DHX30: variants seen among roughly 807,000 people sequenced by gnomAD.
DHX30 encodes DExH-box helicase 30, also known as ATP-dependent RNA helicase DHX30.
A neutral mutation model predicts 116.9 loss-of-function variants in DHX30; 4 were observed. That is an observed-to-expected ratio of 0.03 (90% confidence interval 0.02 to 0.08). The LOEUF is 0.08. DHX30 is among the 10% of genes least tolerant of loss of function. The pLI is 1.00. For synonymous variants in DHX30, 697 were observed against 651.7 expected (o/e 1.07, Z -1.06); for missense variants, 871 against 1,595.1 (o/e 0.55, Z 7.73).
intron 6 of DHX30, among the ~76,000 whole-genome samples, chr3:47,836,374 C>T (rs936852078): frequency 1.1e-4 from 17 of 151,848 alleles, no homozygotes; most frequent in African/African-American, 3.1e-4. Context: ...TTAGGTGATC[C>T]GCCTGCCTCT....
intron 4 of DHX30, chr3:47,825,922 A>G (rs2036533990): frequency 6.6e-6 from 1 of 151,766 alleles, no homozygotes; most frequent in South Asian, 2.1e-4. Flanking sequence ...TTTACAAGTT[A>G]CCGCTTAGAG....
At chr3:47,843,288 G>A (rs779877608) in intron 9 of DHX30, 33 bp downstream of exon 9, 2 of 1,611,254 alleles carry the variant, frequency 1.2e-6, no homozygotes, top group South Asian at 1.1e-5. Flanking sequence ...TGTGGTGCAT[G>A]AGAATGTCTT....
intron 7 of DHX30, 39 bp downstream of exon 7, chr3:47,841,217 T>C: frequency 6.2e-7 from 1 of 1,604,240 alleles, no homozygotes; most frequent in African/African-American, 1.3e-5. Flanking sequence ...AGGCTGGCTG[T>C]GCCTTGACAC....
intron 3 of DHX30, among the ~76,000 whole-genome samples, chr3:47,813,719 G>C (rs1006657159): frequency 6.6e-6 from 1 of 152,070 alleles, no homozygotes; most frequent in Admixed American, 6.6e-5. Flanking sequence ...GTTCCTCGAG[G>C]CCTGGGAAAC....
rs2037625948 is a variant in DHX30 at position 47,846,783 on chromosome 3, C to G, written c.1711C>G (p.Leu571Val). The change falls in exon 11 of 22, where the codon CTG becomes GTG. Residue 571 changes from leucine (L) to valine (V), a missense_variant. Around this residue, in one of 13 missense-constraint regions of DHX30, gnomAD observed 63 missense variants for 180.6 expected, o/e 0.35. Transcript: ENST00000445061. Reference protein sequence around the residue: ...VHERDVNTDFLLILLKGLQRL... With the variant: ...VHERDVNTDFVLILLKGLQRL... ...TGAGCGGGACGTGAACACAGACTTT[C>G]TGCTGATCCTGCTCAAGGGCCTGCA... 6.2e-7 allele frequency: 1 copy of G among 1,613,816 alleles called. No homozygotes were observed. Among genetic ancestry groups the G allele is most frequent in the Non-Finnish European group, 8.5e-7 (1 of 1,179,972 alleles).
At chr3:47,806,400 C>T (rs893970410) in intron 2 of DHX30, among the ~76,000 whole-genome samples, 2 of 151,292 alleles carry the variant, frequency 1.3e-5, no homozygotes, top group African/African-American at 4.9e-5. Context: ...CCTCTGCCTC[C>T]GAAAGTGCTG....
Position 47,849,072 on chromosome 3 carries a change from C to T in DHX30, c.2922C>T (p.Phe974=). 2 of 1,609,532 alleles carry T rather than the reference C, an allele frequency of 1.2e-6. No individual in the cohort carries two copies. The highest frequency in any genetic ancestry group is 1.7e-6 in the Non-Finnish European group (2 of 1,176,880). The change falls in exon 18 of 22, where the codon TTC becomes TTT. Residue 974 remains phenylalanine, a synonymous_variant. Coordinates refer to ENST00000445061, the MANE Select transcript of DHX30 (RefSeq NM_138615.3). ...ENLLYAPSLR[F]IHGLIKQFSE... ...TGCTGTACGCACCCAGCCTGCGCTT[C>T]ATCCACGGTCAGTCGGGCCCACACC... is the stretch of plus-strand genomic sequence containing the variant.
At chr3:47,849,428 C>CG (rs757019606) in intron 19 of DHX30, 23 bp from the exon 20 acceptor site, 1 of 1,571,256 alleles carries the variant, frequency 6.4e-7, no homozygotes, top group Non-Finnish European at 8.7e-7. Flanking sequence ...CAGCCCCACC[C>CG]GTCTTTTCCT....
At chr3:47,817,955 C>T in intron 3 of DHX30, 67 bp from the exon 4 acceptor site, 2 of 780,542 alleles carry the variant, frequency 2.6e-6, no homozygotes, top group Non-Finnish European at 4.8e-6. Flanking sequence ...CTGAGTGAGT[C>T]AGTTCAGGGG....
At chr3:47,816,147 C>A in intron 3 of DHX30, 3 of 979,878 alleles carry the variant, frequency 3.1e-6, no homozygotes, top group Middle Eastern at 1.1e-3. Flanking sequence ...TCTGTAAAAT[C>A]ACATACCTAT....
chr3:47,839,629 T>C (rs1007864696), intron 6 of DHX30, among the ~76,000 whole-genome samples: 1 of 152,272 alleles, frequency 6.6e-6, no homozygotes. Flanking sequence ...TAACTTCTTA[T>C]AACAGAAGTT....
At position 47,847,659 on chromosome 3, in the gene DHX30, G is replaced by A. The variant is rs2037677593; in HGVS notation, c.2111-122G>A. ...GACCAAGCTGTGGCACTTTTCACTG[G>A]GCATAGTGTTTATCTGCGCCTGTTT... On this transcript the variant is annotated intron_variant, in intron 13 of 21. Transcript: ENST00000445061. This position sits in a 1 kb window ranked among gnomAD's most constrained non-coding sequence, Gnocchi z 5.5. 1.4e-6 allele frequency: 2 copies of A among 1,465,416 alleles called. No individual in the cohort carries two copies. The highest frequency in any genetic ancestry group is 1.4e-5 in the African/African-American group (1 of 71,196). The allele number at this position is 1,465,416 out of a possible 1,614,324, so 90.8% of individuals were successfully genotyped here.
intron 2 of DHX30, among the ~76,000 whole-genome samples, chr3:47,807,443 C>T (rs910976581): frequency 7.9e-5 from 12 of 151,872 alleles, no homozygotes; most frequent in Non-Finnish European, 1.8e-4. Flanking sequence ...GTGGCTCATG[C>T]CTGTAATCCC....
chr3:47,814,429 C>CAAAAAAAAA (rs71625837), intron 3 of DHX30, among the ~76,000 whole-genome samples: 24 of 92,620 alleles, frequency 2.6e-4, no homozygotes, highest in South Asian at 3.6e-4. Context: ...TGTCTCAAAA[C>CAAAAAAAAA]AAAAAAAAAA....
intron 3 of DHX30, among the ~76,000 whole-genome samples, chr3:47,817,255 G>T (rs2036098641): frequency 6.6e-6 from 1 of 152,160 alleles, no homozygotes; most frequent in Admixed American, 6.5e-5. Context: ...CACCATTTAG[G>T]TGGTTTAAAA....
In DHX30 at chr3:47,807,918, A is replaced by T. The variant is rs541448033; in HGVS notation, c.-28+2498A>T. 5.2e-4 allele frequency among the ~76,000 whole-genome samples: 77 copies of T among 149,470 alleles called. No individual in the cohort carries two copies. In the East Asian group the frequency reaches 8.5e-3, roughly 16 times the overall value. On this transcript the variant is annotated intron_variant, in intron 2 of 21. Coordinates refer to ENST00000445061, the MANE Select transcript of DHX30 (RefSeq NM_138615.3). ...CCATTAAATTTTGCTTTTTTTTTTTAAATTTTTTTGAGACAGAGTTTCGCT... is the reference window on the plus strand; with the variant it reads ...CCATTAAATTTTGCTTTTTTTTTTTTAATTTTTTTGAGACAGAGTTTCGCT...
chr3:47,833,751 G>T lies in DHX30; in HGVS notation c.366+4617G>T, dbSNP rs890607067. 1.1e-4 allele frequency among the ~76,000 whole-genome samples: 17 copies of T among 151,714 alleles called. No individual in the cohort carries two copies. In the South Asian group the frequency reaches 1.7e-3, roughly 15 times the overall value. On this transcript the variant is annotated intron_variant, in intron 6 of 21. Transcript: ENST00000445061. ...TGCATGCCTGTAGTCCCAGCTACTC[G>T]GGAGGCTGAGGCAGGAGAATCGGTT...
rs774630669 is a variant in DHX30 at position 47,845,791 on chromosome 3, G to A, written c.1031G>A (p.Arg344Gln). 17 of 1,611,854 alleles carry A rather than the reference G, an allele frequency of 1.1e-5. No homozygotes were observed. Among genetic ancestry groups the A allele is most frequent in the African/African-American group, 2.7e-5 (2 of 74,998 alleles). ...CGTGAGCTGGGTGAGACCCAGCGCC[G>A]ACCATGCACCATCCAGGTGCCCGAG... ...SLRELGETQR[R>Q]PCTIQVPEPI... Residue 344 changes from arginine to glutamine, a missense_variant, in exon 10 of 22, where the codon CGA becomes CAA. Physicochemically the swap from Arg to Gln is conservative, Grantham distance 43. Transcript: ENST00000445061.
chr3:47,842,749 T>C (rs319695), intron 8 of DHX30: 125,046 of 188,024 alleles, frequency 0.67, 42,248 homozygotes, highest in East Asian at 0.74. Flanking sequence ...AGGTGCAGGG[T>C]CTTTTTGCTC....
Sources: gnomAD v4.1 joint callset for allele counts (sites outside exome capture counted in the v4.1 genomes callset) on GRCh38, gnomAD v4.1.1 for gene constraint, gnomAD v4.1.1 regional missense constraint, Gnocchi (gnomAD v3.1) non-coding constraint, MANE v1.5 for transcripts, NCBI Gene and HGNC (gene_info 2026-07-23, HGNC 2026-07-21) for gene names.